The following PPM1L variants were observed in gnomAD, a reference collection of about 807,000 sequenced individuals.
PPM1L encodes the protein protein phosphatase 1L.
Under a neutral mutation model 31.4 loss-of-function variants are expected in PPM1L, and 13 were observed. The observed-to-expected ratio is 0.41, with a 90% CI of 0.27 to 0.66. The LOEUF (loss-of-function observed/expected upper bound fraction) is 0.66. Among genes scored for constraint, PPM1L ranks in the 30% least tolerant of loss-of-function variants. PPM1L has a pLI of 0.29. For synonymous variants in PPM1L, 184 were observed against 175.4 expected, an observed-to-expected ratio of 1.05 and a Z score of -0.39; for missense variants, 326 against 453.7, an observed-to-expected ratio of 0.72 and a Z score of 2.56.
intron 1 of PPM1L, among the ~76,000 whole-genome samples, chr3:160,910,242 T>TG (rs1713913175): frequency 2.8e-5 from 1 of 36,064 alleles, no homozygotes; most frequent in Admixed American, 4.5e-4. Context: ...CCCTTCCCCT[T>TG]TCCTTTCCCC....
intron 2 of PPM1L, among the ~76,000 whole-genome samples, chr3:161,048,106 G>C (rs1719141934): frequency 3.3e-5 from 5 of 152,194 alleles, no homozygotes; most frequent in Admixed American, 2.6e-4. Flanking sequence ...TTAAACTAAA[G>C]AGCTTCTGCA....
At chr3:161,006,063 C>T (rs1717694777) in intron 2 of PPM1L, among the ~76,000 whole-genome samples, 1 of 151,986 alleles carries the variant, frequency 6.6e-6, no homozygotes, top group Non-Finnish European at 1.5e-5. Flanking sequence ...TACAACTATG[C>T]TCATTGCAGC....
intron 1 of PPM1L, among the ~76,000 whole-genome samples, chr3:160,814,550 CACACACACAT>C (rs1712913895): frequency 1.7e-4 from 14 of 81,618 alleles, no homozygotes; most frequent in African/African-American, 8.1e-4. Flanking sequence ...TGTATATATA[CACACACACAT>C]ATGTATGTAT....
Position 161,062,006 on chromosome 3 carries a change from T to G in PPM1L, c.575-3397T>G, listed in dbSNP as rs565813656. Among the ~76,000 whole-genome samples, 5 of 152,318 alleles carry G rather than the reference T, an allele frequency of 3.3e-5. No individual in the cohort carries two copies. In the East Asian group the frequency reaches 9.6e-4, roughly 29 times the overall value. On this transcript the variant is annotated intron_variant, in intron 2 of 3. Coordinates refer to ENST00000498165, the MANE Select transcript of PPM1L (RefSeq NM_139245.4). ...TACTGTTTACCTCTGTGCTCTACCA[T>G]CCTGCACTTGTTGCCATGACCCTAA...
chr3:160,785,336 A>G (rs1711871950), intron 1 of PPM1L, among the ~76,000 whole-genome samples: 1 of 152,188 alleles, frequency 6.6e-6, no homozygotes, highest in Admixed American at 6.5e-5. Context: ...ATAGTTTATT[A>G]TTTAAAAAGA....
chr3:160,773,335 C>T (rs1306011415), intron 1 of PPM1L, among the ~76,000 whole-genome samples: 1 of 151,942 alleles, frequency 6.6e-6, no homozygotes, highest in East Asian at 1.9e-4. Flanking sequence ...TTATGATTAT[C>T]TCGTAAAATC....
At chr3:160,895,433 G>T (rs1713303182) in intron 1 of PPM1L, among the ~76,000 whole-genome samples, 1 of 152,010 alleles carries the variant, frequency 6.6e-6, no homozygotes, top group Admixed American at 6.6e-5. Context: ...GCCCAGGCTG[G>T]TCTCAAACTC....
At chr3:160,915,931 T>C (rs1283061849) in intron 1 of PPM1L, among the ~76,000 whole-genome samples, 4 of 152,204 alleles carry the variant, frequency 2.6e-5, no homozygotes, top group Non-Finnish European at 5.9e-5. Flanking sequence ...AAGACTTAAA[T>C]GTTAGACCTA....
At chr3:161,045,150 T>C (rs1719021048) in intron 2 of PPM1L, among the ~76,000 whole-genome samples, 1 of 152,148 alleles carries the variant, frequency 6.6e-6, no homozygotes, top group African/African-American at 2.4e-5. Flanking sequence ...CAAAGAGACT[T>C]AGATTCCCAC....
chr3:160,786,751 C>G lies in PPM1L; in HGVS notation c.399+30044C>G, dbSNP rs538536693. ...TTTGAAATCCTCACCCTCATCCCAC[C>G]CTCCATCCTCAAATAGGCCCTGGTG... is the stretch of plus-strand genomic sequence containing the variant. On this transcript the variant is annotated intron_variant, in intron 1 of 3. Transcript: ENST00000498165. Among the ~76,000 whole-genome samples the G allele has an allele frequency of 9.9e-5, 15 of 152,094 alleles. No homozygotes were observed. In the South Asian group the frequency reaches 2.9e-3, roughly 30 times the overall value.
At chr3:160,993,185 A>G (rs1292216116) in intron 2 of PPM1L, among the ~76,000 whole-genome samples, 1 of 152,236 alleles carries the variant, frequency 6.6e-6, no homozygotes, top group Non-Finnish European at 1.5e-5. Flanking sequence ...TATGCTAATA[A>G]GTAAAAATGA....
intron 1 of PPM1L, among the ~76,000 whole-genome samples, chr3:160,848,819 T>C (rs925874220): frequency 1.3e-5 from 2 of 152,248 alleles, no homozygotes; most frequent in Non-Finnish European, 1.5e-5. Context: ...TAACATATTC[T>C]TTCTCTCATT....
At chr3:160,968,513 A>T (rs766530359) in intron 2 of PPM1L, among the ~76,000 whole-genome samples, 1 of 152,206 alleles carries the variant, frequency 6.6e-6, no homozygotes, top group African/African-American at 2.4e-5. Flanking sequence ...ATCTTTCCTC[A>T]TATTTATTTT....
intron 1 of PPM1L, among the ~76,000 whole-genome samples, chr3:160,871,710 G>C (rs1449942136): frequency 1.3e-5 from 2 of 151,804 alleles, no homozygotes; most frequent in Non-Finnish European, 2.9e-5. Context: ...AGCAGGCTCT[G>C]TACGTATTAT....
chr3:161,042,250 T>G (rs530274415), intron 2 of PPM1L, among the ~76,000 whole-genome samples: 7 of 152,370 alleles, frequency 4.6e-5, no homozygotes, highest in African/African-American at 1.7e-4. Context: ...ACCTAGGGAA[T>G]GCATCTTTTG....
chr3:160,957,537 C>A (rs1360056973), intron 1 of PPM1L, among the ~76,000 whole-genome samples: 1 of 150,778 alleles, frequency 6.6e-6, no homozygotes, highest in Non-Finnish European at 1.5e-5. Flanking sequence ...AAAAGTCTTC[C>A]TTTTCCTCCA....
chr3:161,033,507 A>G (rs754699818), intron 2 of PPM1L, among the ~76,000 whole-genome samples: 12 of 152,190 alleles, frequency 7.9e-5, no homozygotes, highest in Non-Finnish European at 1.5e-4. Context: ...AGACCAATGG[A>G]ACAGAACAGA....
At chr3:160,822,392 A>C (rs1394367681) in intron 1 of PPM1L, among the ~76,000 whole-genome samples, 2 of 152,006 alleles carry the variant, frequency 1.3e-5, no homozygotes, top group Non-Finnish European at 2.9e-5. Context: ...GACACCTCTC[A>C]TGATTACGGT....
chr3:160,873,225 A>G (rs1315529097), intron 1 of PPM1L, among the ~76,000 whole-genome samples: 1 of 152,190 alleles, frequency 6.6e-6, no homozygotes, highest in Non-Finnish European at 1.5e-5. Flanking sequence ...CTAGGTTCTA[A>G]CAAGCATATG....
Sources: allele counts gnomAD v4.1 joint callset (sites outside exome capture counted in the v4.1 genomes callset), GRCh38; gene constraint gnomAD v4.1.1; transcripts MANE v1.5; gene names NCBI Gene and HGNC (gene_info 2026-07-23, HGNC 2026-07-21).